CLVS1: variants seen among roughly 807,000 people sequenced by gnomAD.
The protein encoded by CLVS1 is clavesin 1.
CLVS1 carries 10 observed loss-of-function variants against 33.1 expected under a neutral mutation model. That is an observed-to-expected ratio of 0.30 (90% CI 0.19 to 0.51). The LOEUF is 0.51. CLVS1 is among the 20% of genes least tolerant of loss of function. The probability of loss-of-function intolerance (pLI) is 0.97; values close to 1 mark genes in which losing one functional copy is unlikely to be tolerated. For synonymous variants in CLVS1, 163 were observed against 166.1 expected (o/e 0.98, Z 0.14); for missense variants, 343 against 433.4 (o/e 0.79, Z 1.85).
upstream of CLVS1, among the ~76,000 whole-genome samples, chr8:61,286,891 A>G (rs541247958): frequency 6.6e-6 from 1 of 152,368 alleles, no homozygotes. Flanking sequence ...TCCTTCACTT[A>G]ACACTTTGCA....
chr8:61,253,541 G>A lies in CLVS1; in HGVS notation c.-151-46136G>A, dbSNP rs547867643. 3.9e-4 allele frequency among the ~76,000 whole-genome samples: 59 copies of A among 152,242 alleles called. 1 individual carries two copies. The highest frequency in any genetic ancestry group is 2.3e-3 in the South Asian group (11 of 4,818). On this transcript the variant is annotated intron_variant, in intron 2 of 2. Coordinates refer to the CLVS1 transcript ENST00000522621. ...TTTCCAACTTGGTTCCATTCTCCCT[G>A]TCACTTTCAGGTACACCAATCAGAC...
At chr8:61,220,662 T>G (rs972700900) in intron 2 of CLVS1, among the ~76,000 whole-genome samples, 5 of 152,000 alleles carry the variant, frequency 3.3e-5, no homozygotes, top group African/African-American at 9.7e-5. Flanking sequence ...TTATTTTATA[T>G]GAAATTTAAG....
intron 5 of CLVS1, among the ~76,000 whole-genome samples, chr8:61,478,468 C>T (rs1339153895): frequency 6.6e-6 from 1 of 152,154 alleles, no homozygotes; most frequent in Admixed American, 6.5e-5. Context: ...CTTTGTAGGT[C>T]TCTAAGGACT....
At chr8:61,040,682 G>A in the CLVS1 span, among the ~76,000 whole-genome samples, 1 of 151,990 alleles carries the variant, frequency 6.6e-6, no homozygotes, top group African/African-American at 2.4e-5. Context: ...TTTTCAGTGG[G>A]GTTATCTTGT....
chr8:61,301,429 C>T (rs987304221), intron 2 of CLVS1, among the ~76,000 whole-genome samples: 8 of 152,156 alleles, frequency 5.3e-5, no homozygotes, highest in African/African-American at 1.9e-4. Context: ...GGAAGGTAGT[C>T]TTCTTCTACT....
At chr8:61,283,567 G>A (rs1350950865), upstream of CLVS1, among the ~76,000 whole-genome samples, 1 of 152,182 alleles carries the variant, frequency 6.6e-6, no homozygotes, top group Non-Finnish European at 1.5e-5. Flanking sequence ...AGGAGTGAGT[G>A]AGAGTTCTCA....
the CLVS1 span, among the ~76,000 whole-genome samples, chr8:60,997,695 C>G: frequency 6.6e-6 from 1 of 152,188 alleles, no homozygotes; most frequent in Admixed American, 6.5e-5. Context: ...ACGAAGCCAG[C>G]CAAGTGCAGG....
intron 2 of CLVS1, among the ~76,000 whole-genome samples, chr8:61,329,083 C>T (rs1249310283): frequency 2.0e-5 from 3 of 152,054 alleles, no homozygotes; most frequent in African/African-American, 7.2e-5. Context: ...TTTTTTCTCA[C>T]TTTCCCTAAT....
chr8:61,147,803 T>C (rs1806449450), intron 2 of CLVS1, among the ~76,000 whole-genome samples: 1 of 152,244 alleles, frequency 6.6e-6, no homozygotes. Context: ...TTTATACATT[T>C]TTAAGTCTCT....
chr8:61,111,372 G>C (rs996434966), intron 1 of CLVS1, among the ~76,000 whole-genome samples: 2 of 152,138 alleles, frequency 1.3e-5, no homozygotes, highest in African/African-American at 4.8e-5. Flanking sequence ...TTCCCAAAAT[G>C]ATGAGTCAAT....
intron 2 of CLVS1, 53 bp from the exon 3 acceptor site, chr8:61,376,552 T>A: frequency 6.4e-7 from 1 of 1,558,070 alleles, no homozygotes; most frequent in Non-Finnish European, 8.8e-7. Context: ...GCACGCAACA[T>A]GCTATCACCT....
At chr8:60,967,327 G>A in the CLVS1 span, among the ~76,000 whole-genome samples, 5 of 152,328 alleles carry the variant, frequency 3.3e-5, no homozygotes, top group Admixed American at 3.3e-4. Context: ...ACAAAGAGGT[G>A]CATGAGAATT....
intron 1 of CLVS1, among the ~76,000 whole-genome samples, chr8:61,295,318 T>C (rs1305481304): frequency 2.0e-5 from 3 of 152,198 alleles, no homozygotes; most frequent in African/African-American, 7.2e-5. Flanking sequence ...TGGCAATCAA[T>C]CCTTCAAAGA....
Position 61,064,604 on chromosome 8 carries a change from G to A in CLVS1, c.-243+7374G>A, listed in dbSNP as rs184572668. Reference sequence around the variant, plus strand: ...TGCCCAGGCTGGAGTGCAGGGGCACGATCTCAGCTCACTGCAACCTCTGCC... The same window carrying A: ...TGCCCAGGCTGGAGTGCAGGGGCACAATCTCAGCTCACTGCAACCTCTGCC... On this transcript the variant is annotated intron_variant, in intron 1 of 2. Coordinates refer to the CLVS1 transcript ENST00000522621. Among the ~76,000 whole-genome samples, 15 of 148,770 alleles carry A rather than the reference G, an allele frequency of 1.0e-4. No individual in the cohort carries two copies. The East Asian group carries it at 3.0e-3, about 30-fold the overall frequency.
chr8:60,979,846 G>A, the CLVS1 span, among the ~76,000 whole-genome samples: 1 of 152,156 alleles, frequency 6.6e-6, no homozygotes, highest in Non-Finnish European at 1.5e-5. Context: ...GTCCAGAAGA[G>A]GTGATTGTAG....
chr8:61,202,360 C>T (rs1157095210), intron 2 of CLVS1: 9 of 743,784 alleles, frequency 1.2e-5, no homozygotes, highest in African/African-American at 8.6e-5. Context: ...GATGGAAGAT[C>T]TGATGGACGT....
intron 2 of CLVS1, among the ~76,000 whole-genome samples, chr8:61,196,411 G>T (rs1231716535): frequency 6.6e-6 from 1 of 152,108 alleles, no homozygotes; most frequent in Non-Finnish European, 1.5e-5. Flanking sequence ...TATTCTAGAA[G>T]CCTATAGAGC....
intron 2 of CLVS1, among the ~76,000 whole-genome samples, chr8:61,313,969 T>A (rs1810927888): frequency 6.6e-6 from 1 of 152,118 alleles, no homozygotes; most frequent in African/African-American, 2.4e-5. Context: ...TGACTTGAGC[T>A]CCGGGTGCCA....
chr8:61,468,716 T>TA lies in CLVS1; in HGVS notation c.977+10197dup, dbSNP rs5891803. Among the ~76,000 whole-genome samples the TA allele has an allele frequency of 6.3e-3, 586 of 92,454 alleles. 5 individuals are homozygous for TA. Among genetic ancestry groups the TA allele is most frequent in the African/African-American group, 0.019 (399 of 20,690 alleles). The allele number at this position is 92,454 out of a possible 152,430, so 60.7% of individuals were successfully genotyped here. ...ATCCCAGCCATATAAGTAAAAGTAC[T>TA]AAAAAAAAAAAAAAAAAAAAAAAGG... On this transcript the variant is annotated intron_variant, in intron 5 of 5. Transcript: ENST00000325897.
Sources: allele counts gnomAD v4.1 joint callset (sites outside exome capture counted in the v4.1 genomes callset), GRCh38; gene constraint gnomAD v4.1.1; transcripts MANE v1.5; gene names NCBI Gene and HGNC (gene_info 2026-07-23, HGNC 2026-07-21).